The following RASGRP3 variants were observed in gnomAD, a reference collection of about 807,000 sequenced individuals.
RASGRP3 encodes RAS guanyl releasing protein 3, also known as ras guanyl-releasing protein 3.
In RASGRP3, 54 loss-of-function variants were observed where a neutral mutation model predicts 82.7. The observed-to-expected ratio is 0.65, with a 90% CI of 0.52 to 0.82. RASGRP3 has a LOEUF of 0.82. RASGRP3 is among the 40% of genes least tolerant of loss of function. The probability of loss-of-function intolerance (pLI) is 0.00; values close to 1 mark genes in which losing one functional copy is unlikely to be tolerated. For synonymous variants in RASGRP3, 309 were observed against 300.5 expected, an observed-to-expected ratio of 1.03 and a Z score of -0.29; for missense variants, 861 against 828.9, an observed-to-expected ratio of 1.04 and a Z score of -0.48.
At chr2:33,543,702 A>G in intron 13 of RASGRP3, 75 bp downstream of exon 13, 3 of 1,066,918 alleles carry the variant, frequency 2.8e-6, no homozygotes, top group Non-Finnish European at 1.4e-6. Context: ...GAGAAGGGAA[A>G]CTTGTAATTT....
intron 2 of RASGRP3, among the ~76,000 whole-genome samples, chr2:33,512,150 C>T (rs546530248): frequency 6.6e-6 from 1 of 152,294 alleles, no homozygotes; most frequent in African/African-American, 2.4e-5. Flanking sequence ...CTACTGATTG[C>T]AGAAACAGAT....
At chr2:33,487,528 C>T (rs945612974) in intron 1 of RASGRP3, among the ~76,000 whole-genome samples, 1 of 152,122 alleles carries the variant, frequency 6.6e-6, no homozygotes, top group Non-Finnish European at 1.5e-5. Context: ...ATGCCATTAA[C>T]CTATATAGGG....
intron 10 of RASGRP3, among the ~76,000 whole-genome samples, chr2:33,529,277 A>G (rs555237104): frequency 1.1e-4 from 17 of 151,746 alleles, no homozygotes; most frequent in African/African-American, 3.6e-4. Context: ...GGCAGATCAC[A>G]AGGTCAGGAG....
At chr2:33,471,126 ATTTTG>A (rs1262155027) in intron 2 of RASGRP3, among the ~76,000 whole-genome samples, 8 of 152,028 alleles carry the variant, frequency 5.3e-5, no homozygotes, top group African/African-American at 1.9e-4. Context: ...CAGTCTTTTA[ATTTTG>A]TTTTATTAAT....
At chr2:33,502,443 A>T (rs544919225) in intron 1 of RASGRP3, among the ~76,000 whole-genome samples, 1 of 152,020 alleles carries the variant, frequency 6.6e-6, no homozygotes, top group African/African-American at 2.4e-5. Flanking sequence ...CAACCTACCA[A>T]CAACATCCTT....
In RASGRP3 at chr2:33,523,784, C is replaced by T. The variant is rs144913884; in HGVS notation, c.517-95C>T. Reference sequence around the variant, plus strand: ...TGAAATAAAAGAAATTGTGTTGTTACGAAACAATATCTCACCTTTTCTATG... The same window carrying T: ...TGAAATAAAAGAAATTGTGTTGTTATGAAACAATATCTCACCTTTTCTATG... On this transcript the variant is annotated intron_variant, in intron 7 of 17. Transcript: ENST00000403687. The T allele has an allele frequency of 4.8e-4, 589 of 1,228,540 alleles. 5 individuals carry two copies. The East Asian group carries it at 0.01, about 21-fold the overall frequency. 76.1% of individuals were successfully genotyped at this position (1,228,540 alleles called of 1,614,324 possible).
At chr2:33,439,916 C>A (rs1183581136) in intron 1 of RASGRP3, among the ~76,000 whole-genome samples, 10 of 152,124 alleles carry the variant, frequency 6.6e-5, no homozygotes, top group Non-Finnish European at 1.5e-4. Context: ...GGCACCGAGG[C>A]CTGGGTTCTG....
At chr2:33,478,032 T>C (rs1558420826) in intron 1 of RASGRP3, among the ~76,000 whole-genome samples, 1 of 152,142 alleles carries the variant, frequency 6.6e-6, no homozygotes, top group Non-Finnish European at 1.5e-5. Flanking sequence ...AACACTGTTC[T>C]CTCCCCACCC....
At chr2:33,485,520 A>T (rs992688160) in intron 1 of RASGRP3, among the ~76,000 whole-genome samples, 1 of 152,240 alleles carries the variant, frequency 6.6e-6, no homozygotes, top group Non-Finnish European at 1.5e-5. Context: ...GCTATCTCAG[A>T]TGGTGACAGG....
chr2:33,541,432 GT>G (rs1674271416), intron 12 of RASGRP3, among the ~76,000 whole-genome samples: 1 of 146,914 alleles, frequency 6.8e-6, no homozygotes, highest in African/African-American at 2.4e-5. Flanking sequence ...ATTCCTAGAA[GT>G]GGAATTGCTG....
At chr2:33,445,724 C>T (rs1290301940) in intron 1 of RASGRP3, among the ~76,000 whole-genome samples, 1 of 151,540 alleles carries the variant, frequency 6.6e-6, no homozygotes, top group Non-Finnish European at 1.5e-5. Context: ...TATTAATATG[C>T]TAATAATTAT....
At chr2:33,538,522 A>G (rs572067462) in intron 11 of RASGRP3, among the ~76,000 whole-genome samples, 1 of 151,994 alleles carries the variant, frequency 6.6e-6, no homozygotes, top group East Asian at 1.9e-4. Flanking sequence ...AAATAAATAA[A>G]TAAATAATAA....
chr2:33,528,420 C>T (rs1243592661), intron 10 of RASGRP3, among the ~76,000 whole-genome samples: 1 of 152,210 alleles, frequency 6.6e-6, no homozygotes, highest in Non-Finnish European at 1.5e-5. Context: ...GAACATTTCC[C>T]ACTGGCTGCT....
At position 33,515,269 on chromosome 2, in the gene RASGRP3, A is replaced by G. The variant is rs368115160; in HGVS notation, c.70+63A>G. On this transcript the variant is annotated intron_variant, in intron 3 of 17. Transcript: ENST00000403687. ...TCGATGCTCTCACTTTCCTCTATTC[A>G]GAGGCAAGTTGCTTGTAGAACAGAG... 117 of 1,560,272 alleles carry G rather than the reference A, an allele frequency of 7.5e-5. 2 individuals carry two copies. Among genetic ancestry groups the G allele is most frequent in the Middle Eastern group, 3.3e-4 (2 of 5,988 alleles).
intron 4 of RASGRP3, among the ~76,000 whole-genome samples, chr2:33,516,979 T>A (rs753335854): frequency 2.6e-5 from 4 of 152,232 alleles, no homozygotes; most frequent in African/African-American, 4.8e-5. Flanking sequence ...CAAATTTGTT[T>A]CTTCTGGGAT....
At chr2:33,512,193 C>T (rs1007893194) in intron 2 of RASGRP3, among the ~76,000 whole-genome samples, 3 of 152,162 alleles carry the variant, frequency 2.0e-5, no homozygotes, top group East Asian at 1.9e-4. Context: ...CCTGGCCCGT[C>T]GTGTGCCAGT....
At chr2:33,456,904 A>ATTT (rs10660284) in intron 2 of RASGRP3, among the ~76,000 whole-genome samples, 5,673 of 134,654 alleles carry the variant, frequency 0.042, 465 homozygotes, top group African/African-American at 0.15. Context: ...AGTGCTTTCT[A>ATTT]TTTTTTTTTT....
chr2:33,463,908 C>G (rs1666524984), intron 2 of RASGRP3, among the ~76,000 whole-genome samples: 1 of 151,404 alleles, frequency 6.6e-6, no homozygotes, highest in African/African-American at 2.4e-5. Context: ...CCCTTTCATT[C>G]TTTTTATTTG....
chr2:33,440,899 T>TA (rs1665189150), intron 1 of RASGRP3, among the ~76,000 whole-genome samples: 1 of 152,174 alleles, frequency 6.6e-6, no homozygotes, highest in African/African-American at 2.4e-5. Context: ...TGTTTTTTTT[T>TA]CTTTCTTCTT....
Sources: allele counts gnomAD v4.1 joint callset (sites outside exome capture counted in the v4.1 genomes callset), GRCh38; gene constraint gnomAD v4.1.1; transcripts MANE v1.5; gene names NCBI Gene and HGNC (gene_info 2026-07-23, HGNC 2026-07-21).